Variants in NUDT16 observed in about 807,000 individuals in gnomAD.
NUDT16 encodes the protein nudix hydrolase 16, also known as U8 snoRNA-decapping enzyme.
In NUDT16, 12 loss-of-function variants were observed where a neutral mutation model predicts 11.7. The observed-to-expected ratio is 1.03, with a 90% CI of 0.66 to 1.67. The LOEUF is 1.67. Among genes scored for constraint, NUDT16 ranks in the 40% most tolerant of loss-of-function variants. The pLI, the probability that NUDT16 is intolerant of heterozygous loss-of-function variation, is 0.00. For missense variants in NUDT16, 303 were observed against 268.9 expected (o/e 1.13, Z -0.89); for synonymous variants, 129 against 122.6 (o/e 1.05, Z -0.35).
In NUDT16 at chr3:131,382,254, C is replaced by A; in HGVS notation, c.347C>A (p.Thr116Lys). The change falls in exon 2 of 3, where the codon ACG becomes AAG. Residue 116 changes from threonine (T) to lysine (K), a missense_variant. Physicochemically the swap from Thr to Lys is moderately conservative, Grantham distance 78. Coordinates refer to ENST00000521288, the MANE Select transcript of NUDT16 (RefSeq NM_152395.3). ...GCCCACTTCTATGCCAAGCGTCTGACGCTCGAGGAGCTGTTGGCTGTGGAG... is the reference window on the plus strand; with the variant it reads ...GCCCACTTCTATGCCAAGCGTCTGAAGCTCGAGGAGCTGTTGGCTGTGGAG... The part of the protein sequence containing the change: ...VVAHFYAKRL[T>K]LEELLAVEAG... The A allele has an allele frequency of 6.2e-7, 1 of 1,611,944 alleles. No homozygotes were observed. Among genetic ancestry groups the A allele is most frequent in the Non-Finnish European group, 8.5e-7 (1 of 1,179,366 alleles).
chr3:131,383,703 T>G lies in NUDT16; in HGVS notation c.*362T>G. The G allele has an allele frequency of 2.0e-6, 1 of 493,476 alleles. No individual in the cohort carries two copies. The highest frequency in any genetic ancestry group is 3.7e-6 in the Non-Finnish European group (1 of 273,578). 30.6% of individuals were successfully genotyped at this position (493,476 alleles called of 1,614,324 possible). On this transcript the variant is annotated 3_prime_UTR_variant, in exon 3 of 3. Coordinates refer to ENST00000521288, the MANE Select transcript of NUDT16 (RefSeq NM_152395.3). This position sits in a 1 kb window ranked among gnomAD's most constrained non-coding sequence, Gnocchi z 4.4. ...AACCTTGAAGTGGCATTTGTCACACTACCCTGGTCCCTGATTGCAAGGAGC... is the reference window on the plus strand; with the variant it reads ...AACCTTGAAGTGGCATTTGTCACACGACCCTGGTCCCTGATTGCAAGGAGC...
rs1415105984 is a variant in NUDT16 at position 131,383,083 on chromosome 3, T to A, written c.409-79T>A. On this transcript the variant is annotated intron_variant, in intron 2 of 2. Transcript: ENST00000521288. This position sits in a 1 kb window ranked among gnomAD's most constrained non-coding sequence, Gnocchi z 4.4. ...TGCTGGAGTATTAAGGGGTGAGGCC[T>A]GATCTGCTGGAGAAAGGATGGAGTT... is the stretch of plus-strand genomic sequence containing the variant. 6.1e-6 allele frequency: 9 copies of A among 1,483,900 alleles called. No individual in the cohort carries two copies. The highest frequency in any genetic ancestry group is 7.4e-6 in the Non-Finnish European group (8 of 1,087,602). 91.9% of individuals were successfully genotyped at this position (1,483,900 alleles called of 1,614,324 possible).
chr3:131,381,677 C>T (rs1284004371), upstream of NUDT16: 1 of 1,075,480 alleles, frequency 9.3e-7, no homozygotes, highest in Non-Finnish European at 1.3e-6. Context: ...CCCCAGGCGC[C>T]TAGGTTCCTC....
At position 131,386,512 on chromosome 3, in the gene NUDT16, C is replaced by CAG. The variant is rs1381637021; in HGVS notation, c.*3173_*3174dup. ...GTTGCTGTGATTCCTGTGGTGAGATCAGATGAGGCAGCACTTGGGATAAGC... is the reference window on the plus strand; with the variant it reads ...GTTGCTGTGATTCCTGTGGTGAGATCAGAGATGAGGCAGCACTTGGGATAAGC... On this transcript the variant is annotated 3_prime_UTR_variant, in exon 3 of 3. Coordinates refer to ENST00000521288, the MANE Select transcript of NUDT16 (RefSeq NM_152395.3). The CAG allele has an allele frequency of 2.6e-5, 4 of 152,260 alleles. No homozygotes were observed. The highest frequency in any genetic ancestry group is 4.8e-5 in the African/African-American group (2 of 41,446). 9.4% of individuals were successfully genotyped at this position (152,260 alleles called of 1,614,324 possible).
At position 131,384,539 on chromosome 3, in the gene NUDT16, G is replaced by A. The variant is rs2097458253; in HGVS notation, c.*1198G>A. The A allele has an allele frequency of 6.6e-6, 1 of 152,264 alleles. No individual in the cohort carries two copies. Among genetic ancestry groups the A allele is most frequent in the Non-Finnish European group, 1.5e-5 (1 of 68,074 alleles). 9.4% of individuals were successfully genotyped at this position (152,264 alleles called of 1,614,324 possible). A position where few individuals can be genotyped will look rare whatever the true frequency, so the allele number is the denominator to read the frequency against. On this transcript the variant is annotated 3_prime_UTR_variant, in exon 3 of 3. Transcript: ENST00000521288. The stretch of plus-strand genomic sequence containing the variant: ...AATATTGATGGCAACAGTCAAGATG[G>A]TGTGATGAGAGAGATGGGAGGGGCA...
Position 131,381,915 on chromosome 3 carries a change from C to A in NUDT16, c.111C>A (p.Gly37=). The stretch of plus-strand genomic sequence containing the variant: ...CGCCGGACCCTGGGATGCTCTTCGG[C>A]CGCATCCCGCTGCGCTACGCCATAC... ...LYAPDPGMLF[G]RIPLRYAILM... Residue 37 remains glycine, a synonymous_variant, in exon 1 of 3, where the codon GGC becomes GGA. Coordinates refer to ENST00000521288, the MANE Select transcript of NUDT16 (RefSeq NM_152395.3). 1.9e-6 allele frequency: 3 copies of A among 1,611,744 alleles called. No individual in the cohort carries two copies. Among genetic ancestry groups the A allele is most frequent in the Non-Finnish European group, 2.5e-6 (3 of 1,179,500 alleles).
At chr3:131,382,009 GGGCGCCCCTGC>G in intron 1 of NUDT16, 26 bp from the exon 2 acceptor site, 3 of 1,581,898 alleles carry the variant, frequency 1.9e-6, no homozygotes, top group Non-Finnish European at 2.6e-6. Context: ...GTCTCCTCTG[GGGCGCCCCTGC>G]CAATCCCCGC....
chr3:131,386,535 A>T lies in NUDT16; in HGVS notation c.*3194A>T, dbSNP rs1468470218. ...ATCAGATGAGGCAGCACTTGGGATA[A>T]GCTTGCAGAGATGCATTGAGCGGTA... On this transcript the variant is annotated 3_prime_UTR_variant, in exon 3 of 3. Transcript: ENST00000521288. 6.6e-6 allele frequency: 1 copy of T among 152,232 alleles called. No individual in the cohort carries two copies. Among genetic ancestry groups the T allele is most frequent in the African/African-American group, 2.4e-5 (1 of 41,444 alleles). 9.4% of individuals were successfully genotyped at this position (152,232 alleles called of 1,614,324 possible).
rs558648201 is a variant in NUDT16, at chr3:131,388,627, C to T, written c.*5286C>T. 4 of 152,206 alleles carry T rather than the reference C, an allele frequency of 2.6e-5. No homozygotes were observed. The East Asian group carries it at 5.8e-4, about 22-fold the overall frequency. 9.4% of individuals were successfully genotyped at this position (152,206 alleles called of 1,614,324 possible). On this transcript the variant is annotated 3_prime_UTR_variant, in exon 3 of 3. Transcript: ENST00000521288. ...TTTTTCAGGAATGTACAGAATGAAT[C>T]AAAGGAAATAACTGATCGACAGGAA...
rs75407790 is a variant in NUDT16 at position 131,385,971 on chromosome 3, T to A, written c.*2630T>A. 1 of 152,322 alleles carries A rather than the reference T, an allele frequency of 6.6e-6. No individual in the cohort carries two copies. Among genetic ancestry groups the A allele is most frequent in the East Asian group, 1.9e-4 (1 of 5,176 alleles). 9.4% of individuals were successfully genotyped at this position (152,322 alleles called of 1,614,324 possible). A position where few individuals can be genotyped will look rare whatever the true frequency, so the allele number is the denominator to read the frequency against. ...AATCCAGGTCAACACTAATACCACT[T>A]GGAAGGTTCCGCTCTGTCTCACTCT... On this transcript the variant is annotated 3_prime_UTR_variant, in exon 3 of 3. Coordinates refer to ENST00000521288, the MANE Select transcript of NUDT16 (RefSeq NM_152395.3).
rs995702008 is a variant in NUDT16, at chr3:131,387,233, A to T, written c.*3892A>T. On this transcript the variant is annotated 3_prime_UTR_variant, in exon 3 of 3. Coordinates refer to ENST00000521288, the MANE Select transcript of NUDT16 (RefSeq NM_152395.3). Reference sequence around the variant, plus strand: ...GGACTTAGGGCCCCCACAAAGAGAAACCATGTGCCTTCTCCCCACTTCCCT... The same window carrying T: ...GGACTTAGGGCCCCCACAAAGAGAATCCATGTGCCTTCTCCCCACTTCCCT... 2.0e-5 allele frequency: 3 copies of T among 152,262 alleles called. No individual in the cohort carries two copies. Among genetic ancestry groups the T allele is most frequent in the African/African-American group, 7.2e-5 (3 of 41,388 alleles). The allele number at this position is 152,262 out of a possible 1,614,324, so 9.4% of individuals were successfully genotyped here.
At position 131,383,513 on chromosome 3, in the gene NUDT16, G is replaced by A; in HGVS notation, c.*172G>A. 6.9e-7 allele frequency: 1 copy of A among 1,440,982 alleles called. No homozygotes were observed. Among genetic ancestry groups the A allele is most frequent in the East Asian group, 2.5e-5 (1 of 40,298 alleles). The allele number at this position is 1,440,982 out of a possible 1,614,324, so 89.3% of individuals were successfully genotyped here. A position where few individuals can be genotyped will look rare whatever the true frequency, so the allele number is the denominator to read the frequency against. On this transcript the variant is annotated 3_prime_UTR_variant, in exon 3 of 3. Transcript: ENST00000521288. The surrounding 1 kb of genome is among the most constrained non-coding windows in gnomAD (Gnocchi z 4.4). ...TTGAGCAGAGGACCCTCCAACTTAT[G>A]GCATCAGGGGCAAAAAGTCACAGCT...
rs1271896913 is a variant in NUDT16 at position 131,383,166 on chromosome 3, T to C, written c.413T>C (p.Leu138Pro). Residue 138 changes from leucine (L) to proline (P), a missense_variant, in exon 3 of 3, where the codon CTG becomes CCG. Leu to Pro is a moderately conservative substitution (Grantham distance 98). Coordinates refer to ENST00000521288, the MANE Select transcript of NUDT16 (RefSeq NM_152395.3). This position sits in a 1 kb window ranked among gnomAD's most constrained non-coding sequence, Gnocchi z 4.4. ...TRAKDHGLEVLGLVRVPLYTL... is the reference protein window; with the variant it reads ...TRAKDHGLEVPGLVRVPLYTL... ...CCTGTCTCCTTCCTTTTACAGGTGC[T>C]GGGCCTGGTGCGAGTGCCCCTGTAT... 10 of 1,611,786 alleles carry C rather than the reference T, an allele frequency of 6.2e-6. No individual in the cohort carries two copies. The highest frequency in any genetic ancestry group is 1.1e-5 in the South Asian group (1 of 91,002).
intron 2 of NUDT16, chr3:131,382,817 C>T (rs2097456895): frequency 7.7e-6 from 7 of 912,530 alleles, no homozygotes; most frequent in Non-Finnish European, 9.2e-6. Context: ...GGAGAGGAAA[C>T]CTGAGAATTT....
rs534621774 is a variant in NUDT16 at position 131,383,962 on chromosome 3, G to A, written c.*621G>A. ...AACTGAGCAGGAAGGGTAAGGAAGT[G>A]GCTAGGTCTCCTTGGACTGAGCATG... On this transcript the variant is annotated 3_prime_UTR_variant, in exon 3 of 3. Transcript: ENST00000521288. The surrounding 1 kb of genome is among the most constrained non-coding windows in gnomAD (Gnocchi z 4.4). The A allele has an allele frequency of 1.2e-5, 2 of 165,770 alleles. No individual in the cohort carries two copies. The highest frequency in any genetic ancestry group is 2.4e-5 in the African/African-American group (1 of 41,696). 10.3% of individuals were successfully genotyped at this position (165,770 alleles called of 1,614,324 possible). A position where few individuals can be genotyped will look rare whatever the true frequency, so the allele number is the denominator to read the frequency against.
rs1484075007 is a variant in NUDT16 at position 131,386,896 on chromosome 3, G to C, written c.*3555G>C. On this transcript the variant is annotated 3_prime_UTR_variant, in exon 3 of 3. Transcript: ENST00000521288. ...CCGGCCAGTGAAACAGACAAGGGGA[G>C]GGGAAGAGAAGAGGGAAGGCATGTT... 6.6e-6 allele frequency: 1 copy of C among 152,198 alleles called. No individual in the cohort carries two copies. Among genetic ancestry groups the C allele is most frequent in the Non-Finnish European group, 1.5e-5 (1 of 68,042 alleles). 9.4% of individuals were successfully genotyped at this position (152,198 alleles called of 1,614,324 possible). A position where few individuals can be genotyped will look rare whatever the true frequency, so the allele number is the denominator to read the frequency against.
In NUDT16 at chr3:131,382,078, C is replaced by T. The variant is rs2097455808; in HGVS notation, c.171C>T (p.Phe57=). Residue 57 remains phenylalanine, a synonymous_variant, in exon 2 of 3, where the codon TTC becomes TTT. Coordinates refer to ENST00000521288, the MANE Select transcript of NUDT16 (RefSeq NM_152395.3). ...TGCGCTTCGATGGACGCCTGGGCTT[C>T]CCCGGCGGATTCGTGGACACGCAGG... ...MQMRFDGRLG[F]PGGFVDTQDR... 4.4e-6 allele frequency: 7 copies of T among 1,585,872 alleles called. No homozygotes were observed. The highest frequency in any genetic ancestry group is 6.0e-6 in the Non-Finnish European group (7 of 1,165,160).
chr3:131,383,355 T>C lies in NUDT16; in HGVS notation c.*14T>C, dbSNP rs182191705. The C allele has an allele frequency of 1.8e-5, 29 of 1,613,886 alleles. No homozygotes were observed. In the African/African-American group the frequency reaches 3.3e-4, roughly 19 times the overall value. On this transcript the variant is annotated 3_prime_UTR_variant, in exon 3 of 3. Transcript: ENST00000521288. The surrounding 1 kb of genome is among the most constrained non-coding windows in gnomAD (Gnocchi z 4.4). ...GCTCATCACTAGAGGCAGCCCTCCA[T>C]GGACCCATGAAAACTGAGATGAGGA... is the stretch of plus-strand genomic sequence containing the variant.
Position 131,388,780 on chromosome 3 carries a change from G to A in NUDT16, c.*5439G>A, listed in dbSNP as rs1435798428. 7.2e-6 allele frequency: 1 copy of A among 139,440 alleles called. No individual in the cohort carries two copies. The highest frequency in any genetic ancestry group is 2.6e-4 in the East Asian group (1 of 3,898). 8.6% of individuals were successfully genotyped at this position (139,440 alleles called of 1,614,324 possible). A position where few individuals can be genotyped will look rare whatever the true frequency, so the allele number is the denominator to read the frequency against. On this transcript the variant is annotated 3_prime_UTR_variant, in exon 3 of 3. Transcript: ENST00000521288. ...ACATCTGAAAGGAAATATGTATATT[G>A]AGCATAATAAATATTTTATAAATAA...
Sources: allele counts gnomAD v4.1 joint callset, GRCh38; gene constraint gnomAD v4.1.1; non-coding constraint Gnocchi (gnomAD v3.1); transcripts MANE v1.5; gene names NCBI Gene and HGNC (gene_info 2026-07-23, HGNC 2026-07-21).